Variants in PLXNA4 observed in about 807,000 individuals in gnomAD.
PLXNA4 encodes the protein plexin-A4.
In PLXNA4, 44 loss-of-function variants were observed where a neutral mutation model predicts 191.8. The ratio of observed to expected loss-of-function variants is 0.23; its 90% CI spans 0.18 to 0.29. The LOEUF is 0.29. Ranked by LOEUF, PLXNA4 falls within the 10% of genes least tolerant of loss-of-function variation. The probability of loss-of-function intolerance (pLI) is 1.00; values close to 1 mark genes in which losing one functional copy is unlikely to be tolerated. For missense variants in PLXNA4, 1,800 were observed against 2,488.8 expected, an observed-to-expected ratio of 0.72 and a Z score of 5.89; for synonymous variants, 1,082 against 1,009.5, an observed-to-expected ratio of 1.07 and a Z score of -1.36.
intron 14 of PLXNA4, among the ~76,000 whole-genome samples, chr7:132,191,140 C>T (rs1037556125): frequency 6.6e-6 from 1 of 152,050 alleles, no homozygotes; most frequent in African/African-American, 2.4e-5. Flanking sequence ...CAATGTTTTA[C>T]AGGGAGGGGG....
At chr7:132,475,700 C>G (rs1321584875) in intron 3 of PLXNA4, among the ~76,000 whole-genome samples, 1 of 152,038 alleles carries the variant, frequency 6.6e-6, no homozygotes, top group African/African-American at 2.4e-5. Flanking sequence ...TGCCGGGAAG[C>G]GAGGTCAGCA....
chr7:132,233,324 G>A (rs1798586384), intron 5 of PLXNA4, among the ~76,000 whole-genome samples: 2 of 152,174 alleles, frequency 1.3e-5, no homozygotes, highest in South Asian at 4.1e-4. Flanking sequence ...AGGAAGTGGA[G>A]TAGCTAGTAT....
chr7:132,224,340 C>T (rs1372675470), intron 8 of PLXNA4, among the ~76,000 whole-genome samples: 1 of 152,146 alleles, frequency 6.6e-6, no homozygotes, highest in East Asian at 1.9e-4. Flanking sequence ...AGCACCATTT[C>T]TTCTGTCCTC....
chr7:132,451,337 G>A (rs1259266555), intron 3 of PLXNA4, among the ~76,000 whole-genome samples: 1 of 152,178 alleles, frequency 6.6e-6, no homozygotes, highest in Non-Finnish European at 1.5e-5. Context: ...GGCTTCTTGA[G>A]GTTATCACAG....
intron 3 of PLXNA4, among the ~76,000 whole-genome samples, chr7:132,455,042 C>T (rs1417762907): frequency 1.3e-5 from 2 of 152,234 alleles, no homozygotes; most frequent in Non-Finnish European, 2.9e-5. Flanking sequence ...CAGCCTGAGG[C>T]TGTAGAAGTA....
intron 3 of PLXNA4, among the ~76,000 whole-genome samples, chr7:132,479,839 G>A (rs1035105932): frequency 1.4e-4 from 21 of 151,930 alleles, no homozygotes; most frequent in Admixed American, 1.2e-3. Context: ...TTATATTTTA[G>A]TAGAGACAGG....
At chr7:132,562,816 T>TCTC (rs1563174795) in intron 1 of PLXNA4, among the ~76,000 whole-genome samples, 5 of 70,784 alleles carry the variant, frequency 7.1e-5, no homozygotes, top group Non-Finnish European at 1.1e-4. Context: ...TCCTCCTCCT[T>TCTC]CTCCTCCTCC....
chr7:132,423,165 G>T (rs559686204), intron 3 of PLXNA4, among the ~76,000 whole-genome samples: 7 of 152,360 alleles, frequency 4.6e-5, no homozygotes, highest in African/African-American at 1.7e-4. Context: ...AAAGAAATCA[G>T]ATCTGCCCTG....
In PLXNA4 at chr7:132,123,723, G is replaced by T. The variant is rs78938452; in HGVS notation, c.*6756C>A. ...GTGGGAGCTTTAGTTTGAAACAGAAGTGGGATGGGGCTGGAAGGGGGTGAC... is the reference window on the plus strand; with the variant it reads ...GTGGGAGCTTTAGTTTGAAACAGAATTGGGATGGGGCTGGAAGGGGGTGAC... On this transcript the variant is annotated 3_prime_UTR_variant, in exon 32 of 32. Coordinates refer to ENST00000321063, the MANE Select transcript of PLXNA4 (RefSeq NM_020911.2). 0.044 allele frequency: 6,653 copies of T among 152,180 alleles called. 516 individuals are homozygous for T. The highest frequency in any genetic ancestry group is 0.15 in the African/African-American group (6,291 of 41,450). The allele number at this position is 152,180 out of a possible 1,614,324, so 9.4% of individuals were successfully genotyped here.
intron 3 of PLXNA4, among the ~76,000 whole-genome samples, chr7:132,331,516 G>A (rs2116696620): frequency 6.6e-6 from 1 of 152,348 alleles, no homozygotes; most frequent in South Asian, 2.1e-4. Flanking sequence ...CCCCAGGGAA[G>A]GTGACAGCAT....
intron 2 of PLXNA4, among the ~76,000 whole-genome samples, chr7:132,604,493 CT>C (rs1191756295): frequency 6.6e-6 from 1 of 152,188 alleles, no homozygotes; most frequent in African/African-American, 2.4e-5. Flanking sequence ...TGAAAAGTAG[CT>C]TGTGCTGGTT....
At chr7:132,210,046 A>T (rs539463441) in intron 10 of PLXNA4, among the ~76,000 whole-genome samples, 7 of 152,302 alleles carry the variant, frequency 4.6e-5, no homozygotes, top group African/African-American at 1.7e-4. Flanking sequence ...TCCAAATGGT[A>T]TGTCTCACCC....
At chr7:132,382,081 A>C (rs1400080564) in intron 3 of PLXNA4, among the ~76,000 whole-genome samples, 1 of 152,202 alleles carries the variant, frequency 6.6e-6, no homozygotes, top group Non-Finnish European at 1.5e-5. Flanking sequence ...GGGAGAAAAG[A>C]AAGCTGGGGA....
chr7:132,417,069 C>T (rs1350423212), intron 3 of PLXNA4, among the ~76,000 whole-genome samples: 22 of 152,166 alleles, frequency 1.4e-4, no homozygotes, highest in Non-Finnish European at 2.9e-5. Flanking sequence ...CTTGTCTGCA[C>T]TAGAAATTCA....
At chr7:132,544,275 G>A (rs747473919) in intron 1 of PLXNA4, among the ~76,000 whole-genome samples, 68 of 152,216 alleles carry the variant, frequency 4.5e-4, no homozygotes, top group Non-Finnish European at 8.7e-4. Flanking sequence ...TCCCAGAGGA[G>A]AGATGATTTC....
intron 12 of PLXNA4, among the ~76,000 whole-genome samples, chr7:132,201,405 C>G (rs1025473668): frequency 1.3e-5 from 2 of 152,154 alleles, no homozygotes; most frequent in Admixed American, 6.5e-5. Context: ...TATTAGGCAT[C>G]ACACAAATAT....
At chr7:132,339,462 A>G (rs1264016741) in intron 3 of PLXNA4, among the ~76,000 whole-genome samples, 2 of 152,226 alleles carry the variant, frequency 1.3e-5, no homozygotes, top group African/African-American at 4.8e-5. Context: ...ATTTTATCAC[A>G]TGAAAAGATT....
chr7:132,330,592 T>C (rs1005783868), intron 3 of PLXNA4, among the ~76,000 whole-genome samples: 2 of 152,226 alleles, frequency 1.3e-5, no homozygotes, highest in Non-Finnish European at 2.9e-5. Context: ...GCACTGGGGA[T>C]CCTGCCCAGG....
chr7:132,477,382 C>T (rs1015892079), intron 3 of PLXNA4, among the ~76,000 whole-genome samples: 7 of 152,210 alleles, frequency 4.6e-5, no homozygotes, highest in Non-Finnish European at 1.0e-4. Flanking sequence ...CACGGTTCTG[C>T]CATCTCTCTT....
Sources: gnomAD v4.1 joint callset for allele counts (sites outside exome capture counted in the v4.1 genomes callset) on GRCh38, gnomAD v4.1.1 for gene constraint, MANE v1.5 for transcripts, NCBI Gene and HGNC (gene_info 2026-07-23, HGNC 2026-07-21) for gene names.